The following RPS6KA2 variants were observed in gnomAD, a reference collection of about 807,000 sequenced individuals.
The protein encoded by RPS6KA2 is ribosomal protein S6 kinase alpha-2.
In RPS6KA2, 42 loss-of-function variants were observed where a neutral mutation model predicts 91.8. The ratio of observed to expected loss-of-function variants is 0.46; its 90% CI spans 0.36 to 0.59. The LOEUF (loss-of-function observed/expected upper bound fraction) is 0.59. RPS6KA2 is among the 20% of genes least tolerant of loss of function. RPS6KA2 has a pLI of 0.00. For synonymous variants in RPS6KA2, 414 were observed against 393.6 expected, an observed-to-expected ratio of 1.05 and a Z score of -0.61; for missense variants, 798 against 978.5, an observed-to-expected ratio of 0.82 and a Z score of 2.46.
intron 2 of RPS6KA2, among the ~76,000 whole-genome samples, chr6:166,715,956 T>G (rs1789997654): frequency 1.3e-5 from 2 of 149,030 alleles, no homozygotes; most frequent in Non-Finnish European, 3.0e-5. Context: ...AAGAATCGCT[T>G]GAGCCCTGGA....
intron 2 of RPS6KA2, among the ~76,000 whole-genome samples, chr6:166,739,825 C>G (rs1790761906): frequency 6.6e-6 from 1 of 152,204 alleles, no homozygotes; most frequent in Non-Finnish European, 1.5e-5. Context: ...AGCTTCCACT[C>G]GTGGTCCCGT....
At chr6:166,637,719 T>C (rs1787293775) in intron 2 of RPS6KA2, among the ~76,000 whole-genome samples, 1 of 152,224 alleles carries the variant, frequency 6.6e-6, no homozygotes, top group Non-Finnish European at 1.5e-5. Context: ...TGGTGGACAT[T>C]GAAATGTGTG....
rs1003210352 is a variant in RPS6KA2 at position 166,849,980 on chromosome 6, G to A, written c.123+8220C>T. On this transcript the variant is annotated intron_variant, in intron 2 of 21. Transcript: ENST00000503859. This position sits in a 1 kb window ranked among gnomAD's most constrained non-coding sequence, Gnocchi z 4.9. ...GGGTTCAGGAACGAGGGGCACTCAC[G>A]CATGGCTCTGCTATGCCCACGGGGC... Among the ~76,000 whole-genome samples the A allele has an allele frequency of 1.3e-5, 2 of 152,118 alleles. No individual in the cohort carries two copies. Among genetic ancestry groups the A allele is most frequent in the African/African-American group, 4.8e-5 (2 of 41,432 alleles).
chr6:166,651,321 A>T (rs748806949), intron 2 of RPS6KA2, among the ~76,000 whole-genome samples: 1 of 152,206 alleles, frequency 6.6e-6, no homozygotes, highest in Non-Finnish European at 1.5e-5. Context: ...CAATTCAAAG[A>T]TTTTTTTAAC....
chr6:166,559,648 G>A (rs551537567), intron 1 of RPS6KA2, among the ~76,000 whole-genome samples: 4 of 152,082 alleles, frequency 2.6e-5, no homozygotes, highest in Non-Finnish European at 4.4e-5. Flanking sequence ...TCCAGAATCC[G>A]AATTGAGTAA....
intron 10 of RPS6KA2, among the ~76,000 whole-genome samples, chr6:166,483,841 A>C (rs569988030): frequency 6.6e-6 from 1 of 152,378 alleles, no homozygotes; most frequent in South Asian, 2.1e-4. Context: ...CAAACAGAAA[A>C]TGATGAACAC....
At chr6:166,757,504 A>G (rs1290673991) in intron 2 of RPS6KA2, 1 of 455,818 alleles carries the variant, frequency 2.2e-6, no homozygotes, top group African/African-American at 2.0e-5. Context: ...TGGGACCCCC[A>G]TTTCCTGCGA....
At position 166,412,506 on chromosome 6, in the gene RPS6KA2, C is replaced by T. The variant is rs763193129; in HGVS notation, c.*256G>A. 63 of 331,652 alleles carry T rather than the reference C, an allele frequency of 1.9e-4. No homozygotes were observed. The highest frequency in any genetic ancestry group is 2.8e-4 in the Non-Finnish European group (50 of 181,170). The allele number at this position is 331,652 out of a possible 1,614,324, so 20.5% of individuals were successfully genotyped here. On this transcript the variant is annotated 3_prime_UTR_variant, in exon 21 of 21. Coordinates refer to ENST00000265678, the MANE Select transcript of RPS6KA2 (RefSeq NM_021135.6). This position sits in a 1 kb window ranked among gnomAD's most constrained non-coding sequence, Gnocchi z 4.3. Reference sequence around the variant, plus strand: ...AGAAGCCCCCGGCCTCGCACGGGCACGCGAGGTGAAGGGGCGCATTTGGTT... The same window carrying T: ...AGAAGCCCCCGGCCTCGCACGGGCATGCGAGGTGAAGGGGCGCATTTGGTT...
Position 166,435,738 on chromosome 6 carries a change from G to A in RPS6KA2, c.1333-3248C>T, listed in dbSNP as rs550385679. Among the ~76,000 whole-genome samples the A allele has an allele frequency of 5.3e-5, 8 of 152,380 alleles. No individual in the cohort carries two copies. The highest frequency in any genetic ancestry group is 2.1e-4 in the South Asian group (1 of 4,828). The stretch of plus-strand genomic sequence containing the variant: ...GGAAGTCACGTTTGCTGTCTCAGGC[G>A]ACAACACTGCTGTGGGTGTGGGTGG... On this transcript the variant is annotated intron_variant, in intron 14 of 20. Coordinates refer to ENST00000265678, the MANE Select transcript of RPS6KA2 (RefSeq NM_021135.6). This position sits in a 1 kb window ranked among gnomAD's most constrained non-coding sequence, Gnocchi z 4.3.
At chr6:166,832,439 C>T (rs1780211481) in intron 2 of RPS6KA2, among the ~76,000 whole-genome samples, 1 of 152,136 alleles carries the variant, frequency 6.6e-6, no homozygotes, top group Admixed American at 6.5e-5. Context: ...GGCTTGGAAC[C>T]CCAGGCAATA....
chr6:166,783,452 C>T (rs1291419337), intron 2 of RPS6KA2, among the ~76,000 whole-genome samples: 3 of 152,094 alleles, frequency 2.0e-5, no homozygotes, highest in African/African-American at 7.2e-5. Flanking sequence ...TGTGACTTGC[C>T]TGCCAGCCCC....
In RPS6KA2 at chr6:166,437,469, C is replaced by T. The variant is rs368167289; in HGVS notation, c.1333-4979G>A. ...ACGGAGTAGGAGTGGTGTCGTGGGG[C>T]GGGGGACAAGCTCGCTCAGCTTTCT... On this transcript the variant is annotated intron_variant, in intron 14 of 20. Coordinates refer to ENST00000265678, the MANE Select transcript of RPS6KA2 (RefSeq NM_021135.6). This position sits in a 1 kb window ranked among gnomAD's most constrained non-coding sequence, Gnocchi z 4.3. 2.6e-5 allele frequency among the ~76,000 whole-genome samples: 4 copies of T among 152,216 alleles called. No individual in the cohort carries two copies. The highest frequency in any genetic ancestry group is 7.2e-5 in the African/African-American group (3 of 41,534).
chr6:166,426,479 C>T (rs1409366397), intron 16 of RPS6KA2, among the ~76,000 whole-genome samples: 3 of 80,714 alleles, frequency 3.7e-5, no homozygotes, highest in African/African-American at 1.0e-4. Context: ...AATAGAGACA[C>T]AAAAAGCCCT....
chr6:166,483,870 T>C (rs1485854975), intron 10 of RPS6KA2, among the ~76,000 whole-genome samples: 1 of 152,238 alleles, frequency 6.6e-6, no homozygotes, highest in East Asian at 1.9e-4. Flanking sequence ...AGTCTTGTCA[T>C]GAAGATCGGA....
At chr6:166,730,216 A>G (rs552121373) in intron 2 of RPS6KA2, among the ~76,000 whole-genome samples, 1 of 152,356 alleles carries the variant, frequency 6.6e-6, no homozygotes, top group Admixed American at 6.5e-5. Context: ...ATCTTTTGAT[A>G]TCTTTGGCAC....
chr6:166,417,428 A>C (rs1048533974), intron 19 of RPS6KA2, among the ~76,000 whole-genome samples: 17 of 152,196 alleles, frequency 1.1e-4, no homozygotes, highest in African/African-American at 4.1e-4. Context: ...TCATCCAATC[A>C]GTGGAAGGCC....
chr6:166,617,933 T>C (rs1404001580), intron 1 of RPS6KA2, among the ~76,000 whole-genome samples: 5 of 152,232 alleles, frequency 3.3e-5, no homozygotes, highest in African/African-American at 1.2e-4. Flanking sequence ...CGAGGTTTTC[T>C]GTAAATTCAC....
In RPS6KA2 at chr6:166,533,974, G is replaced by A. The variant is rs985495088; in HGVS notation, c.217-2661C>T. 3.3e-5 allele frequency among the ~76,000 whole-genome samples: 5 copies of A among 152,120 alleles called. No homozygotes were observed. The highest frequency in any genetic ancestry group is 7.4e-5 in the Non-Finnish European group (5 of 68,022). ...GCGGTGGCTCACGCCTGTAATCCCA[G>A]CACTTTGGGAGGCCGAGGCGGGCGG... is the stretch of plus-strand genomic sequence containing the variant. On this transcript the variant is annotated intron_variant, in intron 2 of 20. Transcript: ENST00000265678. This position sits in a 1 kb window ranked among gnomAD's most constrained non-coding sequence, Gnocchi z 4.0.
At chr6:166,516,880 C>T (rs1396156307) in intron 3 of RPS6KA2, among the ~76,000 whole-genome samples, 1 of 152,194 alleles carries the variant, frequency 6.6e-6, no homozygotes, top group Non-Finnish European at 1.5e-5. Flanking sequence ...CTCCATCTTG[C>T]CATCTCCTTG....
Sources: allele counts gnomAD v4.1 joint callset (sites outside exome capture counted in the v4.1 genomes callset), GRCh38; gene constraint gnomAD v4.1.1; non-coding constraint Gnocchi (gnomAD v3.1); transcripts MANE v1.5; gene names NCBI Gene and HGNC (gene_info 2026-07-23, HGNC 2026-07-21).